Variants in LRP1 observed in about 807,000 individuals in gnomAD.
LRP1 encodes LDL receptor related protein 1, also known as prolow-density lipoprotein receptor-related protein 1.
A neutral mutation model predicts 541.5 loss-of-function variants in LRP1; 51 were observed. The ratio of observed to expected loss-of-function variants is 0.09; its 90% confidence interval spans 0.08 to 0.12. The LOEUF (loss-of-function observed/expected upper bound fraction) is 0.12, where lower values mean the gene tolerates loss of function less well. LRP1 is among the 10% of genes least tolerant of loss of function. The probability of loss-of-function intolerance (pLI) is 1.00; values close to 1 mark genes in which losing one functional copy is unlikely to be tolerated. For synonymous variants in LRP1, 2,219 were observed against 2,470.8 expected, an observed-to-expected ratio of 0.90 and a Z score of 3.02; for missense variants, 3,878 against 6,376.2, an observed-to-expected ratio of 0.61 and a Z score of 13.34.
At chr12:57,133,948 G>A (rs1041380789) in intron 1 of LRP1, among the ~76,000 whole-genome samples, 2 of 151,808 alleles carry the variant, frequency 1.3e-5, no homozygotes, top group Non-Finnish European at 2.9e-5. Context: ...ACCCTCTCTG[G>A]CCAGGCATTC....
At chr12:57,202,969 T>C in intron 68 of LRP1, 1 of 577,746 alleles carries the variant, frequency 1.7e-6, no homozygotes, top group Non-Finnish European at 3.1e-6. Flanking sequence ...CTCTCTGGTG[T>C]CTGTCCCATG....
chr12:57,135,940 T>A (rs1040122530), intron 1 of LRP1, among the ~76,000 whole-genome samples: 2 of 152,084 alleles, frequency 1.3e-5, no homozygotes, highest in Non-Finnish European at 2.9e-5. Flanking sequence ...GCCGTGGCTG[T>A]GCGCTCTGCC....
chr12:57,180,828 C>G, intron 33 of LRP1, 21 bp downstream of exon 33: 1 of 1,611,898 alleles, frequency 6.2e-7, no homozygotes, highest in Non-Finnish European at 8.5e-7. Flanking sequence ...GGCCGGGCGG[C>G]CGCTGGGGGC....
chr12:57,134,137 G>C (rs1348729187), intron 1 of LRP1, among the ~76,000 whole-genome samples: 1 of 152,192 alleles, frequency 6.6e-6, no homozygotes, highest in Non-Finnish European at 1.5e-5. Context: ...GGGTTTGGGG[G>C]GGTGGGGCAG....
intron 1 of LRP1, among the ~76,000 whole-genome samples, chr12:57,129,629 C>G (rs532546138): frequency 3.5e-4 from 54 of 152,322 alleles, no homozygotes; most frequent in Non-Finnish European, 6.3e-4. Flanking sequence ...GCTCTTCCCC[C>G]TCTCAGGGCC....
chr12:57,161,207 C>G, intron 13 of LRP1, 92 bp downstream of exon 13: 1 of 1,223,562 alleles, frequency 8.2e-7, no homozygotes. Flanking sequence ...ATGTGGGTAT[C>G]TGTGTGTGTC....
rs2035899158 is a variant in LRP1 at position 57,169,294 on chromosome 12, C to T, written c.3150C>T (p.Asn1050=). 6.2e-7 allele frequency: 1 copy of T among 1,605,126 alleles called. No homozygotes were observed. The highest frequency in any genetic ancestry group is 8.5e-7 in the Non-Finnish European group (1 of 1,173,082). ...CGDYSDETHA[N]CTNQATRPPG... ...ACTACAGTGATGAGACACACGCCAA[C>T]TGCACCAACCAGGGTGGGCACCAGG... is the stretch of plus-strand genomic sequence containing the variant. Residue 1050 remains asparagine, a synonymous_variant, in exon 20 of 89, where the codon AAC becomes AAT. Transcript: ENST00000243077.
chr12:57,166,510 A>G (rs1218145652), intron 17 of LRP1: 2 of 416,486 alleles, frequency 4.8e-6, no homozygotes, highest in Admixed American at 4.1e-5. Context: ...GCAGTGAGCC[A>G]TGGTCATGCC....
Position 57,178,354 on chromosome 12 carries a change from C to T in LRP1, c.4362-5C>T. ...CATCCTCATTCTGCTCCATCATGCT[C>T]TTAGGTCAGATGCCATTTACTCAGC... On this transcript the variant is annotated splice_region_variant and splice_polypyrimidine_tract_variant and intron_variant, in intron 26 of 88. Coordinates refer to ENST00000243077, the MANE Select transcript of LRP1 (RefSeq NM_002332.3). The surrounding 1 kb of genome is among the most constrained non-coding windows in gnomAD (Gnocchi z 5.8). 2 of 1,612,518 alleles carry T rather than the reference C, an allele frequency of 1.2e-6. No individual in the cohort carries two copies. The highest frequency in any genetic ancestry group is 8.5e-7 in the Non-Finnish European group (1 of 1,178,832).
In LRP1 at chr12:57,211,918, TC is replaced by T; in HGVS notation, c.13259-6del. 6.2e-7 allele frequency: 1 copy of T among 1,614,008 alleles called. No homozygotes were observed. The highest frequency in any genetic ancestry group is 8.5e-7 in the Non-Finnish European group (1 of 1,179,962). On this transcript the variant is annotated splice_polypyrimidine_tract_variant and splice_region_variant and intron_variant, in intron 86 of 88. Transcript: ENST00000243077. The surrounding 1 kb of genome is among the most constrained non-coding windows in gnomAD (Gnocchi z 4.3). ...CTTGGTGACTCAGTGTCCCACCTCTTCCCTCCAGATATAGCCTCCATCCTAA... is the reference window on the plus strand; with the variant it reads ...CTTGGTGACTCAGTGTCCCACCTCTTCCTCCAGATATAGCCTCCATCCTAA...
chr12:57,176,211 CCATCCCCCA>C, intron 24 of LRP1, 105 bp downstream of exon 24: 1 of 1,079,692 alleles, frequency 9.3e-7, no homozygotes, highest in Non-Finnish European at 1.3e-6. Context: ...CTTGGCTCCC[CCATCCCCCA>C]CACTTCTGTT....
In LRP1 at chr12:57,204,487, G is replaced by A; in HGVS notation, c.11029G>A (p.Asp3677Asn). The A allele has an allele frequency of 6.3e-7, 1 of 1,585,226 alleles. No homozygotes were observed. Among genetic ancestry groups the A allele is most frequent in the South Asian group, 1.1e-5 (1 of 87,312 alleles). Reference protein sequence around the residue: ...KPLAWKCDGEDDCGDNSDENP... With the variant: ...KPLAWKCDGENDCGDNSDENP... ...GCTGGCCTGGAAGTGCGATGGCGAG[G>A]ATGACTGTGGGGACAACTCAGATGA... is the stretch of plus-strand genomic sequence containing the variant. Residue 3677 changes from aspartate to asparagine, a missense_variant, in exon 71 of 89, where the codon GAT (aspartate) becomes AAT (asparagine). By Grantham distance (23) the Asp-to-Asn change is conservative. Around this residue, in one of 13 missense-constraint regions of LRP1, gnomAD observed 2 missense variants for 18.2 expected, o/e 0.11. Transcript: ENST00000243077. The surrounding 1 kb of genome is among the most constrained non-coding windows in gnomAD (Gnocchi z 5.3).
rs770105888 is a variant in LRP1 at position 57,209,864 on chromosome 12, C to G, written c.12435C>G (p.Pro4145=). 2 of 1,613,588 alleles carry G rather than the reference C, an allele frequency of 1.2e-6. No individual in the cohort carries two copies. The highest frequency in any genetic ancestry group is 4.5e-5 in the East Asian group (2 of 44,864). ...DVVLYHQHKQ[P]EVTNPCDRKK... ...TCCTTTACCATCAGCACAAGCAGCC[C>G]GAAGGTGGGGGCAGAGGGGAGCCTG... The change falls in exon 80 of 89, where the codon CCC becomes CCG. Residue 4145 remains proline, a synonymous_variant. Coordinates refer to ENST00000243077, the MANE Select transcript of LRP1 (RefSeq NM_002332.3).
intron 3 of LRP1, among the ~76,000 whole-genome samples, chr12:57,143,163 C>T (rs1204160240): frequency 6.6e-6 from 1 of 152,188 alleles, no homozygotes; most frequent in Non-Finnish European, 1.5e-5. Flanking sequence ...TTCCTGTCCT[C>T]TACCTGGGCC....
At chr12:57,149,424 C>G (rs899004164) in intron 6 of LRP1, 2 of 581,148 alleles carry the variant, frequency 3.4e-6, no homozygotes, top group Non-Finnish European at 6.1e-6. Context: ...CTCTCCTCCC[C>G]CGCTGTCTCC....
Position 57,177,361 on chromosome 12 carries a change from G to C in LRP1, c.4197-66G>C. 2 of 1,560,214 alleles carry C rather than the reference G, an allele frequency of 1.3e-6. No homozygotes were observed. Among genetic ancestry groups the C allele is most frequent in the Non-Finnish European group, 1.7e-6 (2 of 1,146,118 alleles). On this transcript the variant is annotated intron_variant, in intron 25 of 88. Transcript: ENST00000243077. This position sits in a 1 kb window ranked among gnomAD's most constrained non-coding sequence, Gnocchi z 6.8. Reference sequence around the variant, plus strand: ...CTGCCTCCTCCCACCCTCTACCTACGATCCCACCACAGTCGCTCCCTGAGG... The same window carrying C: ...CTGCCTCCTCCCACCCTCTACCTACCATCCCACCACAGTCGCTCCCTGAGG...
Position 57,162,287 on chromosome 12 carries a change from A to T in LRP1, c.2203-30A>T. 1 of 1,595,744 alleles carries T rather than the reference A, an allele frequency of 6.3e-7. No homozygotes were observed. The highest frequency in any genetic ancestry group is 8.6e-7 in the Non-Finnish European group (1 of 1,163,920). On this transcript the variant is annotated intron_variant, in intron 13 of 88. Coordinates refer to ENST00000243077, the MANE Select transcript of LRP1 (RefSeq NM_002332.3). The surrounding 1 kb of genome is among the most constrained non-coding windows in gnomAD (Gnocchi z 5.2). ...ACAGGCCTCCCTCAATTTTCTTCCA[A>T]CTCCTTAGTAACATCCTCTCCATCC...
Position 57,208,774 on chromosome 12 carries a change from G to A in LRP1, c.12102G>A (p.Thr4034=), listed in dbSNP as rs761738505. The change falls in exon 78 of 89, where the codon ACG becomes ACA. Residue 4034 remains threonine, a synonymous_variant. Coordinates refer to ENST00000243077, the MANE Select transcript of LRP1 (RefSeq NM_002332.3). ...TTGAGACGGCAGCGATGGATGGGAC[G>A]CTTCGGGAGACACTGGTGCAGGACA... The part of the protein sequence containing the change: ...PKIETAAMDG[T]LRETLVQDNI... 3 of 1,614,036 alleles carry A rather than the reference G, an allele frequency of 1.9e-6. No individual in the cohort carries two copies. The highest frequency in any genetic ancestry group is 1.7e-6 in the Non-Finnish European group (2 of 1,179,984).
intron 4 of LRP1, 77 bp downstream of exon 4, chr12:57,143,875 G>T: frequency 6.7e-7 from 1 of 1,498,258 alleles, no homozygotes; most frequent in Non-Finnish European, 9.0e-7. Context: ...GGCAGAGAGG[G>T]GTAGGGGGCC....
Sources: gnomAD v4.1 joint callset for allele counts (sites outside exome capture counted in the v4.1 genomes callset) on GRCh38, gnomAD v4.1.1 for gene constraint, gnomAD v4.1.1 regional missense constraint, Gnocchi (gnomAD v3.1) non-coding constraint, MANE v1.5 for transcripts, NCBI Gene and HGNC (gene_info 2026-07-23, HGNC 2026-07-21) for gene names.